The following MICAL2 variants were observed in gnomAD, a reference collection of about 807,000 sequenced individuals.
MICAL2 encodes microtubule associated monooxygenase, calponin and LIM domain containing 2, also known as [F-actin]-monooxygenase MICAL2.
Under a neutral mutation model 127.3 loss-of-function variants are expected in MICAL2, and 77 were observed. The observed-to-expected ratio is 0.60, with a 90% CI of 0.50 to 0.73. The LOEUF (loss-of-function observed/expected upper bound fraction) is 0.73, where lower values mean the gene tolerates loss of function less well. Ranked by LOEUF, MICAL2 falls within the 30% of genes least tolerant of loss-of-function variation. The pLI is 0.00. For missense variants in MICAL2, 1,351 were observed against 1,434.4 expected (o/e 0.94, Z 0.94); for synonymous variants, 570 against 551.1 (o/e 1.03, Z -0.48).
In MICAL2 at chr11:12,203,778, A is replaced by AT. The variant is rs564878421; in HGVS notation, c.265-466dup. On this transcript the variant is annotated intron_variant, in intron 3 of 27. Transcript: ENST00000683283. ...TTTAATTTTGAAGTCTCATTTATTA[A>AT]TTTTTTCTTTAGTTGTTTGTGCTTT... is the stretch of plus-strand genomic sequence containing the variant. 3.5e-3 allele frequency among the ~76,000 whole-genome samples: 532 copies of AT among 152,024 alleles called. 2 individuals are homozygous for AT. The highest frequency in any genetic ancestry group is 0.012 in the African/African-American group (498 of 41,492).
At chr11:12,167,609 G>A (rs1565081744) in intron 3 of MICAL2, among the ~76,000 whole-genome samples, 1 of 152,302 alleles carries the variant, frequency 6.6e-6, no homozygotes, top group Non-Finnish European at 1.5e-5. Flanking sequence ...TGCCTGATAC[G>A]GGCAGTTCCA....
downstream of MICAL2, among the ~76,000 whole-genome samples, chr11:12,288,059 C>T (rs1439595644): frequency 1.3e-5 from 2 of 152,196 alleles, no homozygotes; most frequent in Non-Finnish European, 2.9e-5. Flanking sequence ...TGAGTCATTC[C>T]CCCACCATCC....
At chr11:12,294,013 G>A (rs747503920), downstream of MICAL2, 3 of 1,614,082 alleles carry the variant, frequency 1.9e-6, no homozygotes, top group African/African-American at 4.0e-5. Context: ...TGTTGGATTG[G>A]AATGACTCCA....
At chr11:12,354,975 A>G (rs1939109303) in intron 34 of MICAL2, 3 of 922,676 alleles carry the variant, frequency 3.3e-6, no homozygotes, top group Non-Finnish European at 4.9e-6. Context: ...GTTAGAGGAA[A>G]GTACAAAGCC....
At chr11:12,288,699 A>G (rs554976609), downstream of MICAL2, among the ~76,000 whole-genome samples, 3 of 152,330 alleles carry the variant, frequency 2.0e-5, no homozygotes, top group South Asian at 6.2e-4. Context: ...GAATGAAGTA[A>G]GGAACCAAGG....
At chr11:12,127,066 T>G (rs1850985070) in intron 1 of MICAL2, among the ~76,000 whole-genome samples, 1 of 152,150 alleles carries the variant, frequency 6.6e-6, no homozygotes, top group Non-Finnish European at 1.5e-5. Context: ...TTAGGACAGA[T>G]GCAAAGAGGC....
intron 3 of MICAL2, among the ~76,000 whole-genome samples, chr11:12,175,906 T>G (rs1856792913): frequency 1.3e-5 from 2 of 150,102 alleles, no homozygotes; most frequent in Admixed American, 6.6e-5. Flanking sequence ...AGAGAGAGAG[T>G]GGGGTTGGGC....
At chr11:12,343,742 C>G (rs1349865819) in intron 32 of MICAL2, among the ~76,000 whole-genome samples, 1 of 152,176 alleles carries the variant, frequency 6.6e-6, no homozygotes, top group East Asian at 1.9e-4. Flanking sequence ...AAGGATAGGC[C>G]CAGTGCATGT....
chr11:12,153,714 C>T (rs950821490), intron 2 of MICAL2, among the ~76,000 whole-genome samples: 1 of 152,210 alleles, frequency 6.6e-6, no homozygotes, highest in African/African-American at 2.4e-5. Context: ...TCCCCACTTC[C>T]CCCAGATCCT....
intron 3 of MICAL2, among the ~76,000 whole-genome samples, chr11:12,167,645 G>GT (rs1190582222): frequency 6.6e-6 from 1 of 152,190 alleles, no homozygotes; most frequent in African/African-American, 2.4e-5. Flanking sequence ...GCAGAAGATG[G>GT]TCCCTGGGGT....
At chr11:12,177,099 TG>T (rs1856926504) in intron 3 of MICAL2, among the ~76,000 whole-genome samples, 1 of 152,222 alleles carries the variant, frequency 6.6e-6, no homozygotes. Context: ...TTCAAGTAGT[TG>T]TACCATTTTA....
At chr11:12,139,834 G>T (rs1306202336) in intron 2 of MICAL2, among the ~76,000 whole-genome samples, 1 of 152,000 alleles carries the variant, frequency 6.6e-6, no homozygotes, top group Admixed American at 6.5e-5. Flanking sequence ...AGCAATTCTG[G>T]CTGGCTCAAT....
intron 32 of MICAL2, among the ~76,000 whole-genome samples, chr11:12,330,900 A>AAT: frequency 8.4e-6 from 1 of 119,348 alleles, no homozygotes; most frequent in East Asian, 2.8e-4. Context: ...AGAGAGAGAG[A>AAT]GTGTGTGTGT....
At chr11:12,293,704 A>G, downstream of MICAL2, 1 of 1,614,074 alleles carries the variant, frequency 6.2e-7, no homozygotes, top group Non-Finnish European at 8.5e-7. Context: ...CAGAGTGGGC[A>G]GAGTACTGCC....
chr11:12,177,336 A>G (rs1213744234), intron 3 of MICAL2, among the ~76,000 whole-genome samples: 1 of 152,114 alleles, frequency 6.6e-6, no homozygotes, highest in Non-Finnish European at 1.5e-5. Context: ...CCATTTTCGA[A>G]TCAGGTTTTT....
At chr11:12,176,594 CT>C (rs892354811) in intron 3 of MICAL2, among the ~76,000 whole-genome samples, 8 of 152,266 alleles carry the variant, frequency 5.3e-5, no homozygotes, top group African/African-American at 1.7e-4. Flanking sequence ...CTTTTTTCAT[CT>C]TGTAAAACTG....
At chr11:12,293,850 G>A (rs1341600872), downstream of MICAL2, 1 of 1,608,172 alleles carries the variant, frequency 6.2e-7, no homozygotes, top group Non-Finnish European at 8.5e-7. Context: ...AAGGACAGGA[G>A]CTGGACAGGG....
intron 29 of MICAL2, among the ~76,000 whole-genome samples, chr11:12,306,731 T>C (rs1284036880): frequency 6.6e-6 from 1 of 152,216 alleles, no homozygotes; most frequent in African/African-American, 2.4e-5. Flanking sequence ...CTTTTGTGTC[T>C]GGCTTCTTTC....
At chr11:12,188,381 G>T (rs1220736046) in intron 3 of MICAL2, among the ~76,000 whole-genome samples, 1 of 152,170 alleles carries the variant, frequency 6.6e-6, no homozygotes, top group Non-Finnish European at 1.5e-5. Context: ...ACTGGTGGCT[G>T]TTTTGCCTTC....
Sources: gnomAD v4.1 joint callset for allele counts (sites outside exome capture counted in the v4.1 genomes callset) on GRCh38, gnomAD v4.1.1 for gene constraint, MANE v1.5 for transcripts, NCBI Gene and HGNC (gene_info 2026-07-23, HGNC 2026-07-21) for gene names.